TRIM24: variants seen among roughly 807,000 people sequenced by gnomAD.
TRIM24 encodes tripartite motif containing 24.
TRIM24 carries 29 observed loss-of-function variants against 123.9 expected under a neutral mutation model. That is an observed-to-expected ratio of 0.23 (90% CI 0.17 to 0.32). The LOEUF (loss-of-function observed/expected upper bound fraction) is 0.32, where lower values mean the gene tolerates loss of function less well. TRIM24 is among the 10% of genes least tolerant of loss of function. The probability of loss-of-function intolerance (pLI) is 1.00; values close to 1 mark genes in which losing one functional copy is unlikely to be tolerated. For synonymous variants in TRIM24, 456 were observed against 461.1 expected (o/e 0.99, Z 0.14); for missense variants, 932 against 1,295.3 (o/e 0.72, Z 4.31).
At position 138,461,819 on chromosome 7, in the gene TRIM24, T is replaced by C. The variant is rs1319966219; in HGVS notation, c.364+907T>C. Reference sequence around the variant, plus strand: ...AAAATACAGTGTAACTGGAAAAGCATTTTTAATACTTTTTAGAGGAAATAG... The same window carrying C: ...AAAATACAGTGTAACTGGAAAAGCACTTTTAATACTTTTTAGAGGAAATAG... On this transcript the variant is annotated intron_variant, in intron 1 of 18. Coordinates refer to ENST00000343526, the MANE Select transcript of TRIM24 (RefSeq NM_015905.3). Among the ~76,000 whole-genome samples the C allele has an allele frequency of 2.6e-5, 4 of 152,206 alleles. No individual in the cohort carries two copies. In the East Asian group the frequency reaches 7.7e-4, roughly 29 times the overall value.
chr7:138,478,022 T>C (rs1297951226), intron 1 of TRIM24, among the ~76,000 whole-genome samples: 1 of 152,200 alleles, frequency 6.6e-6, no homozygotes, highest in Non-Finnish European at 1.5e-5. Context: ...AGAATGAAAT[T>C]GCTTGAGAAA....
At chr7:138,557,881 G>A (rs117407764) in intron 9 of TRIM24, among the ~76,000 whole-genome samples, 671 of 152,314 alleles carry the variant, frequency 4.4e-3, no homozygotes, top group Non-Finnish European at 6.4e-3. Context: ...CATGTAAATA[G>A]AGGTACAGTA....
intron 5 of TRIM24, among the ~76,000 whole-genome samples, chr7:138,528,542 A>T (rs1002016009): frequency 2.0e-5 from 3 of 151,188 alleles, no homozygotes; most frequent in Non-Finnish European, 4.4e-5. Flanking sequence ...TTAATTTCCC[A>T]CCTCAAGAGA....
chr7:138,557,213 C>T (rs1383993424), intron 9 of TRIM24, among the ~76,000 whole-genome samples: 1 of 152,146 alleles, frequency 6.6e-6, no homozygotes, highest in Non-Finnish European at 1.5e-5. Flanking sequence ...TTTGTCAGGG[C>T]CCTGCCTATT....
At chr7:138,526,630 T>C (rs1287066524) in intron 5 of TRIM24, among the ~76,000 whole-genome samples, 1 of 152,128 alleles carries the variant, frequency 6.6e-6, no homozygotes, top group East Asian at 1.9e-4. Flanking sequence ...CAGCCTGGTC[T>C]TGAACTAGTG....
chr7:138,563,991 G>A lies in TRIM24; in HGVS notation c.1531-3490G>A, dbSNP rs140318375. Among the ~76,000 whole-genome samples the A allele has an allele frequency of 4.7e-4, 71 of 152,266 alleles. 1 individual carries two copies. Among genetic ancestry groups the A allele is most frequent in the African/African-American group, 1.7e-3 (71 of 41,552 alleles). The stretch of plus-strand genomic sequence containing the variant: ...GCTTCTAGGCAGCAGAGAGCTGCCT[G>A]GATTACCCTCCAGCACTCCTCAGTG... On this transcript the variant is annotated intron_variant, in intron 9 of 18. Coordinates refer to ENST00000343526, the MANE Select transcript of TRIM24 (RefSeq NM_015905.3).
At chr7:138,569,700 T>C (rs1797614087) in intron 10 of TRIM24, among the ~76,000 whole-genome samples, 1 of 152,210 alleles carries the variant, frequency 6.6e-6, no homozygotes, top group Non-Finnish European at 1.5e-5. Flanking sequence ...ATGTAGTTTC[T>C]ACAATGGAAT....
At chr7:138,496,853 T>C (rs990743529) in intron 1 of TRIM24, among the ~76,000 whole-genome samples, 2 of 152,084 alleles carry the variant, frequency 1.3e-5, no homozygotes, top group Non-Finnish European at 2.9e-5. Flanking sequence ...AAAGAAGGCT[T>C]TTCTCCCTTA....
intron 9 of TRIM24, among the ~76,000 whole-genome samples, chr7:138,556,020 G>A (rs913377173): frequency 6.6e-6 from 1 of 152,088 alleles, no homozygotes; most frequent in Non-Finnish European, 1.5e-5. Context: ...AGACTTCTAT[G>A]ACTACCTTTA....
At chr7:138,519,538 A>G (rs1796465083) in intron 4 of TRIM24, among the ~76,000 whole-genome samples, 1 of 152,184 alleles carries the variant, frequency 6.6e-6, no homozygotes, top group African/African-American at 2.4e-5. Flanking sequence ...TATGGTGGTC[A>G]GCATCCTTGA....
At chr7:138,573,425 T>C in intron 11 of TRIM24, 82 bp from the exon 12 acceptor site, 1 of 1,276,704 alleles carries the variant, frequency 7.8e-7, no homozygotes, top group Non-Finnish European at 1.1e-6. Flanking sequence ...ATTATTAAGT[T>C]ATTGAAGCTT....
At chr7:138,558,370 G>A (rs141437359) in intron 9 of TRIM24, among the ~76,000 whole-genome samples, 34 of 152,290 alleles carry the variant, frequency 2.2e-4, no homozygotes, top group African/African-American at 7.5e-4. Context: ...AGAATCTCCC[G>A]ATAATAGAGA....
rs1171836317 is a variant in TRIM24 at position 138,588,752 on chromosome 7, C to T, written c.*3801C>T. 3 of 152,100 alleles carry T rather than the reference C, an allele frequency of 2.0e-5. No individual in the cohort carries two copies. Among genetic ancestry groups the T allele is most frequent in the African/African-American group, 7.3e-5 (3 of 41,288 alleles). 9.4% of individuals were successfully genotyped at this position (152,100 alleles called of 1,614,324 possible). On this transcript the variant is annotated 3_prime_UTR_variant, in exon 19 of 19. Transcript: ENST00000343526. Reference sequence around the variant, plus strand: ...GGGCGCGGTGGCTCACACCTGTAATCCCAGCACTTTGGGAGGCCGAGGTGG... The same window carrying T: ...GGGCGCGGTGGCTCACACCTGTAATTCCAGCACTTTGGGAGGCCGAGGTGG...
chr7:138,564,492 A>T (rs1470669637), intron 9 of TRIM24, among the ~76,000 whole-genome samples: 2 of 152,154 alleles, frequency 1.3e-5, no homozygotes, highest in Non-Finnish European at 2.9e-5. Context: ...TGCCCTTCCC[A>T]TGACTTTTTC....
chr7:138,511,304 CT>C lies in TRIM24; in HGVS notation c.484-3894del, dbSNP rs760269729. 3.8e-3 allele frequency among the ~76,000 whole-genome samples: 538 copies of C among 140,806 alleles called. 1 individual carries two copies. The highest frequency in any genetic ancestry group is 6.5e-3 in the African/African-American group (251 of 38,568). 92.4% of individuals were successfully genotyped at this position (140,806 alleles called of 152,430 possible). A position where few individuals can be genotyped will look rare whatever the true frequency, so the allele number is the denominator to read the frequency against. ...GTGCCACACACTTTTTTCTTTCTTT[CT>C]TTTTTTTTTTTTTGAGATGGAGTTT... is the stretch of plus-strand genomic sequence containing the variant. On this transcript the variant is annotated intron_variant, in intron 2 of 18. Coordinates refer to ENST00000343526, the MANE Select transcript of TRIM24 (RefSeq NM_015905.3).
At chr7:138,563,251 T>G (rs1240923471) in intron 9 of TRIM24, among the ~76,000 whole-genome samples, 1 of 152,232 alleles carries the variant, frequency 6.6e-6, no homozygotes, top group Non-Finnish European at 1.5e-5. Context: ...ATCTGGTTCC[T>G]TCAGGGTGCA....
chr7:138,513,707 C>G (rs1584711525), intron 2 of TRIM24, among the ~76,000 whole-genome samples: 2 of 152,128 alleles, frequency 1.3e-5, no homozygotes, highest in South Asian at 4.2e-4. Context: ...GATTACAGTT[C>G]AGCATGAGAT....
At chr7:138,549,591 T>G (rs1452813922) in intron 7 of TRIM24, among the ~76,000 whole-genome samples, 1 of 152,172 alleles carries the variant, frequency 6.6e-6, no homozygotes, top group Non-Finnish European at 1.5e-5. Context: ...GAAGAGCTAC[T>G]ACAAGCCTGA....
chr7:138,570,778 G>A (rs2116670537), intron 10 of TRIM24, 52 bp from the exon 11 acceptor site: 8 of 1,575,318 alleles, frequency 5.1e-6, no homozygotes, highest in Non-Finnish European at 6.9e-6. Context: ...CATAGATGTT[G>A]TATTTTATAA....
Sources: allele counts gnomAD v4.1 joint callset (sites outside exome capture counted in the v4.1 genomes callset), GRCh38; gene constraint gnomAD v4.1.1; transcripts MANE v1.5; gene names NCBI Gene and HGNC (gene_info 2026-07-23, HGNC 2026-07-21).